The following SP100 variants were observed in gnomAD, a reference collection of about 807,000 sequenced individuals.
The protein encoded by SP100 is SP100 nuclear body protein, also known as nuclear autoantigen Sp-100.
Under a neutral mutation model 130.0 loss-of-function variants are expected in SP100, and 84 were observed. The observed-to-expected ratio is 0.65, with a 90% CI of 0.54 to 0.77. The LOEUF is 0.77. SP100 is among the 30% of genes least tolerant of loss of function. The pLI is 0.00. For synonymous variants in SP100, 331 were observed against 351.7 expected (o/e 0.94, Z 0.66); for missense variants, 978 against 1,052.2 (o/e 0.93, Z 0.97).
chr2:230,531,968 T>C (rs920725636), intron 24 of SP100, among the ~76,000 whole-genome samples: 1 of 152,216 alleles, frequency 6.6e-6, no homozygotes, highest in African/African-American at 2.4e-5. Context: ...TCCTTTGGAT[T>C]TTCCTTATAT....
intron 2 of SP100, among the ~76,000 whole-genome samples, chr2:230,427,876 C>T (rs1575591443): frequency 6.6e-6 from 1 of 152,314 alleles, no homozygotes; most frequent in East Asian, 1.9e-4. Context: ...AATTTACATA[C>T]TTTTTATATT....
chr2:230,455,714 T>C (rs1220766635), intron 8 of SP100, among the ~76,000 whole-genome samples: 2 of 152,212 alleles, frequency 1.3e-5, no homozygotes, highest in African/African-American at 4.8e-5. Flanking sequence ...TCTCTCTTAC[T>C]GTCTTCCTTT....
intron 24 of SP100, among the ~76,000 whole-genome samples, chr2:230,531,515 T>A (rs1559537560): frequency 6.6e-6 from 1 of 152,004 alleles, no homozygotes; most frequent in Admixed American, 6.6e-5. Flanking sequence ...GTTGTGCACA[T>A]GTACCCTAGA....
chr2:230,502,452 ATATATTTATCT>A (rs1186499773), intron 19 of SP100, among the ~76,000 whole-genome samples: 46 of 152,274 alleles, frequency 3.0e-4, no homozygotes, highest in African/African-American at 1.1e-3. Flanking sequence ...ACTTTAATTT[ATATATTTATCT>A]CTGAGCATCA....
In SP100 at chr2:230,426,666, A is replaced by T. The variant is rs574967118; in HGVS notation, c.107+9001A>T. On this transcript the variant is annotated intron_variant, in intron 2 of 28. Transcript: ENST00000340126. The stretch of plus-strand genomic sequence containing the variant: ...GTTAAGACTTCTTTTGTGGCCTAAC[A>T]TATGATTTTTTTCCTGGAGAATGTT... Among the ~76,000 whole-genome samples, 69 of 152,320 alleles carry T rather than the reference A, an allele frequency of 4.5e-4. 1 individual carries two copies. Among genetic ancestry groups the T allele is most frequent in the African/African-American group, 1.4e-3 (60 of 41,572 alleles).
At chr2:230,434,759 GAT>G (rs2063199032) in intron 2 of SP100, among the ~76,000 whole-genome samples, 1 of 152,162 alleles carries the variant, frequency 6.6e-6, no homozygotes, top group African/African-American at 2.4e-5. Context: ...TCACTACATA[GAT>G]ATATGTGTCT....
chr2:230,457,878 A>G (rs994358059), intron 8 of SP100, among the ~76,000 whole-genome samples: 1 of 152,046 alleles, frequency 6.6e-6, no homozygotes, highest in Non-Finnish European at 1.5e-5. Flanking sequence ...TAAGGGCAAA[A>G]CTTCCCTTTG....
chr2:230,525,536 C>T (rs911202594), intron 24 of SP100, among the ~76,000 whole-genome samples: 1 of 152,028 alleles, frequency 6.6e-6, no homozygotes, highest in Non-Finnish European at 1.5e-5. Context: ...AACAGAGGTA[C>T]CTGGTTCATC....
At chr2:230,515,262 T>C (rs1690844985) in intron 24 of SP100, 1 of 1,611,658 alleles carries the variant, frequency 6.2e-7, no homozygotes, top group South Asian at 1.1e-5. Flanking sequence ...CCTATATCCC[T>C]CCTAAAGGGG....
intron 7 of SP100, 150 bp downstream of exon 7, chr2:230,449,860 A>C: frequency 1.2e-6 from 1 of 830,488 alleles, no homozygotes; most frequent in East Asian, 2.4e-5. Flanking sequence ...TATACAGATG[A>C]GCCTGATACA....
In SP100 at chr2:230,461,546, C is replaced by T. The variant is rs981433719; in HGVS notation, c.973+132C>T. 1.7e-5 allele frequency: 14 copies of T among 813,758 alleles called. No individual in the cohort carries two copies. The African/African-American group carries it at 2.4e-4, about 14-fold the overall frequency. 50.4% of individuals were successfully genotyped at this position (813,758 alleles called of 1,614,324 possible). ...AGGCAGGAAGGGAAAGGGGCTGGCA[C>T]CTGATGCAGTGAGTCTTCAGCTTGA... is the stretch of plus-strand genomic sequence containing the variant. On this transcript the variant is annotated intron_variant, in intron 9 of 28. Coordinates refer to ENST00000340126, the MANE Select transcript of SP100 (RefSeq NM_001080391.2).
At chr2:230,515,256 T>C (rs1476084478) in intron 24 of SP100, 1 of 1,612,984 alleles carries the variant, frequency 6.2e-7, no homozygotes, top group East Asian at 2.2e-5. Context: ...TGAAAACCTA[T>C]ATCCCTCCTA....
At chr2:230,484,901 G>A (rs1380266711) in intron 17 of SP100, among the ~76,000 whole-genome samples, 1 of 151,588 alleles carries the variant, frequency 6.6e-6, no homozygotes, top group Non-Finnish European at 1.5e-5. Flanking sequence ...TTTTCCCACT[G>A]GTTCATTATT....
intron 17 of SP100, among the ~76,000 whole-genome samples, chr2:230,477,303 A>G (rs2065605822): frequency 6.6e-6 from 1 of 152,078 alleles, no homozygotes; most frequent in African/African-American, 2.4e-5. Flanking sequence ...AGATTTGTTA[A>G]GGGAATCTTT....
intron 17 of SP100, among the ~76,000 whole-genome samples, chr2:230,493,361 G>T (rs1023488761): frequency 6.6e-6 from 1 of 152,138 alleles, no homozygotes; most frequent in African/African-American, 2.4e-5. Flanking sequence ...GGGACTACAG[G>T]CATGTGCCAC....
At position 230,450,322 on chromosome 2, in the gene SP100, G is replaced by C. The variant is rs561586906; in HGVS notation, c.820+67G>C. On this transcript the variant is annotated intron_variant, in intron 8 of 28. Coordinates refer to ENST00000340126, the MANE Select transcript of SP100 (RefSeq NM_001080391.2). ...TCAGATGCTATACATTTGGTTGGTT[G>C]GTTGGTTGGTTGTTGTTTTACCATC... The C allele has an allele frequency of 2.9e-5, 34 of 1,185,220 alleles. No individual in the cohort carries two copies. In the African/African-American group the frequency reaches 4.9e-4, roughly 17 times the overall value. 73.4% of individuals were successfully genotyped at this position (1,185,220 alleles called of 1,614,324 possible).
rs765904614 is a variant in SP100, at chr2:230,540,939, A to T, written c.2274A>T (p.Gln758His). 1 of 1,613,722 alleles carries T rather than the reference A, an allele frequency of 6.2e-7. No homozygotes were observed. Among genetic ancestry groups the T allele is most frequent in the Non-Finnish European group, 8.5e-7 (1 of 1,179,784 alleles). Residue 758 changes from glutamine (Q) to histidine (H), a missense_variant, in exon 26 of 29, where the codon CAA (glutamine) becomes CAT (histidine). Transcript: ENST00000340126. ...KTIQERCPES[Q>H]SGHQESEVLM... ...TTCAGGAAAGATGCCCAGAAAGCCA[A>T]TCAGGTCATCAGGAATCTGAAGTCC...
At chr2:230,514,920 A>G (rs1465480247) in intron 24 of SP100, 5 of 1,048,290 alleles carry the variant, frequency 4.8e-6, no homozygotes, top group African/African-American at 3.2e-5. Flanking sequence ...AAAACCTACA[A>G]GAGATTGCAG....
At chr2:230,514,901 C>G (rs141014105) in intron 24 of SP100, 2 of 814,038 alleles carry the variant, frequency 2.5e-6, no homozygotes, top group Non-Finnish European at 3.6e-6. Flanking sequence ...TTACTTAACA[C>G]GAGGTCAAAA....
Sources: allele counts gnomAD v4.1 joint callset (sites outside exome capture counted in the v4.1 genomes callset), GRCh38; gene constraint gnomAD v4.1.1; transcripts MANE v1.5; gene names NCBI Gene and HGNC (gene_info 2026-07-23, HGNC 2026-07-21).